The following DMD variants were observed in gnomAD, a reference collection of about 807,000 sequenced individuals.
DMD encodes the protein mutant dystrophin.
In DMD, 63 loss-of-function variants were observed where a neutral mutation model predicts 330.1. That is an observed-to-expected ratio of 0.19 (90% CI 0.16 to 0.24). The LOEUF (loss-of-function observed/expected upper bound fraction) is 0.24. Ranked by LOEUF, DMD falls within the 10% of genes least tolerant of loss-of-function variation. The pLI, the probability that DMD is intolerant of heterozygous loss-of-function variation, is 1.00. For synonymous variants in DMD, 1,223 were observed against 959.8 expected (o/e 1.27, Z -5.07); for missense variants, 3,344 against 2,684.1 (o/e 1.25, Z -5.43).
intron 67 of DMD, among the ~76,000 whole-genome samples, chrX:31,194,717 C>T (rs955248823): frequency 1.1e-4 from 12 of 111,902 alleles, no homozygotes; most frequent in African/African-American, 2.6e-4. Flanking sequence ...CCCAAGTCAC[C>T]CCTTCATGGG....
chrX:31,299,355 G>GT (rs949545560), intron 62 of DMD, among the ~76,000 whole-genome samples: 5 of 110,544 alleles, frequency 4.5e-5, no homozygotes, highest in African/African-American at 1.6e-4. Flanking sequence ...AAATTTGAAG[G>GT]TAAAAAAAAA....
intron 43 of DMD, among the ~76,000 whole-genome samples, chrX:32,254,070 C>G (rs186360103): frequency 9.0e-6 from 1 of 111,479 alleles, no homozygotes; most frequent in African/African-American, 3.3e-5. Context: ...GAGACAGAGT[C>G]TTGCTCTGTT....
chrX:32,944,707 C>T (rs1354146222), intron 2 of DMD, among the ~76,000 whole-genome samples: 1 of 108,689 alleles, frequency 9.2e-6, no homozygotes, highest in Non-Finnish European at 1.9e-5. Context: ...CTGGATCAAG[C>T]GATTCTCCTG....
At chrX:32,843,160 G>GT (rs1224915581) in intron 4 of DMD, among the ~76,000 whole-genome samples, 4 of 111,360 alleles carry the variant, frequency 3.6e-5, no homozygotes, top group Middle Eastern at 4.2e-3. Context: ...CCCAAAGTTT[G>GT]TTTTTTTAAA....
chrX:31,388,907 A>C (rs2060578517), intron 60 of DMD, among the ~76,000 whole-genome samples: 1 of 112,298 alleles, frequency 8.9e-6, no homozygotes, highest in Non-Finnish European at 1.9e-5. Flanking sequence ...GTCTCAAAAA[A>C]CAAAACAAAA....
intron 44 of DMD, among the ~76,000 whole-genome samples, chrX:32,034,403 C>A (rs1263763947): frequency 9.0e-6 from 1 of 111,529 alleles, no homozygotes; most frequent in Non-Finnish European, 1.9e-5. Context: ...ATAAACTTGA[C>A]TATAGAGTCA....
At chrX:32,840,583 C>T (rs991831721) in intron 4 of DMD, among the ~76,000 whole-genome samples, 3 of 111,822 alleles carry the variant, frequency 2.7e-5, no homozygotes, top group Admixed American at 9.5e-5. Context: ...TTCTCTTATG[C>T]GTTTTACTGA....
At chrX:32,627,890 T>A (rs2058457305) in intron 11 of DMD, among the ~76,000 whole-genome samples, 2 of 110,965 alleles carry the variant, frequency 1.8e-5, no homozygotes, top group Admixed American at 9.7e-5. Context: ...CACAATACCC[T>A]ATTTTTTAAA....
intron 45 of DMD, among the ~76,000 whole-genome samples, chrX:31,950,245 T>A (rs764326412): frequency 3.6e-5 from 4 of 111,772 alleles, no homozygotes; most frequent in Non-Finnish European, 7.6e-5. Flanking sequence ...TGTGATTTAG[T>A]TTTTAACCAA....
chrX:31,904,654 A>G (rs1472477959), intron 47 of DMD, among the ~76,000 whole-genome samples: 5 of 111,800 alleles, frequency 4.5e-5, no homozygotes, highest in Admixed American at 2.9e-4. Context: ...CTACAGTCCA[A>G]TAACCCACAT....
chrX:32,008,970 T>C (rs2095684732), intron 44 of DMD, among the ~76,000 whole-genome samples: 1 of 111,749 alleles, frequency 8.9e-6, no homozygotes, highest in South Asian at 3.7e-4. Flanking sequence ...AGAAAGCCAC[T>C]GATACGTTTT....
chrX:32,170,349 G>A (rs1459266963), intron 44 of DMD, among the ~76,000 whole-genome samples: 7 of 109,076 alleles, frequency 6.4e-5, no homozygotes, highest in African/African-American at 1.0e-4. Context: ...GTGCACACCT[G>A]TAATCCCAGC....
intron 51 of DMD, among the ~76,000 whole-genome samples, chrX:31,738,185 C>CAT (rs1182458636): frequency 1.8e-5 from 2 of 111,398 alleles, no homozygotes; most frequent in Admixed American, 9.6e-5. Context: ...AACAGATACC[C>CAT]ATACGTAAAA....
intron 44 of DMD, among the ~76,000 whole-genome samples, chrX:31,975,607 A>T (rs1200624078): frequency 8.9e-6 from 1 of 112,184 alleles, no homozygotes; most frequent in African/African-American, 3.2e-5. Context: ...TTCTTTCTAC[A>T]TGATTACTAG....
At chrX:31,411,390 A>G (rs760256456) in intron 60 of DMD, among the ~76,000 whole-genome samples, 6 of 111,740 alleles carry the variant, frequency 5.4e-5, no homozygotes, top group African/African-American at 2.0e-4. Context: ...TATAAATATT[A>G]TTATTAACAC....
At chrX:33,302,161 A>G (rs1469308745) in intron 1 of DMD, among the ~76,000 whole-genome samples, 1 of 111,266 alleles carries the variant, frequency 9.0e-6, no homozygotes, top group African/African-American at 3.3e-5. Context: ...TCTGACCCTT[A>G]TTTTTCAGCT....
chrX:31,650,984 T>A (rs769412460), intron 54 of DMD, among the ~76,000 whole-genome samples: 28 of 111,707 alleles, frequency 2.5e-4, no homozygotes, highest in Non-Finnish European at 5.1e-4. Context: ...ATGAAGAGGC[T>A]TTAGGATGAG....
rs202142748 is a variant in DMD, at chrX:33,092,874, TTTTA to T, written c.32-72678_32-72675del. On this transcript the variant is annotated intron_variant, in intron 1 of 78. Transcript: ENST00000357033. Reference sequence around the variant, plus strand: ...TTTTCTTTTTTATTTATTTATTTTATTTTATTTATTTATTTTTGAGATGGAGTCT... The same window carrying T: ...TTTTCTTTTTTATTTATTTATTTTATTTTATTTATTTTTGAGATGGAGTCT... Among the ~76,000 whole-genome samples the T allele has an allele frequency of 3.6e-3, 400 of 110,621 alleles. 2 individuals are homozygous for T. The highest frequency in any genetic ancestry group is 0.013 in the African/African-American group (387 of 30,540).
intron 7 of DMD, among the ~76,000 whole-genome samples, chrX:32,793,393 A>G (rs1398519971): frequency 1.8e-5 from 2 of 111,588 alleles, no homozygotes; most frequent in Non-Finnish European, 3.8e-5. Flanking sequence ...AGAAAAAAAA[A>G]CAAACCAAAC....
Sources: allele counts gnomAD v4.1 joint callset (sites outside exome capture counted in the v4.1 genomes callset), GRCh38; gene constraint gnomAD v4.1.1; transcripts MANE v1.5; gene names NCBI Gene and HGNC (gene_info 2026-07-23, HGNC 2026-07-21).